KANSL1L: variants seen among roughly 807,000 people sequenced by gnomAD.
The protein encoded by KANSL1L is KAT8 regulatory NSL complex subunit 1-like protein.
Under a neutral mutation model 108.6 loss-of-function variants are expected in KANSL1L, and 25 were observed. That is an observed-to-expected ratio of 0.23 (90% CI 0.17 to 0.32). The LOEUF (loss-of-function observed/expected upper bound fraction) is 0.32, where lower values mean the gene tolerates loss of function less well. Among genes scored for constraint, KANSL1L ranks in the 10% least tolerant of loss-of-function variants. KANSL1L has a pLI of 1.00. For synonymous variants in KANSL1L, 405 were observed against 395.1 expected, an observed-to-expected ratio of 1.03 and a Z score of -0.30; for missense variants, 1,137 against 1,125.7, an observed-to-expected ratio of 1.01 and a Z score of -0.14.
In KANSL1L at chr2:210,153,750, G is replaced by A; in HGVS notation, c.833C>T (p.Pro278Leu). Residue 278 changes from proline (P) to leucine (L), a missense_variant, in exon 2 of 15, where the codon CCT becomes CTT. Physicochemically the swap from Pro to Leu is moderately conservative, Grantham distance 98. This residue lies in a region of KANSL1L where 556 missense variants were observed against 537.7 expected (regional missense o/e 1.03). Transcript: ENST00000281772. ...TAAACTATTACCCAAAATTGTGGTAGGTTCATGAAATGTCTTCATTTTGGG... is the reference window on the plus strand; with the variant it reads ...TAAACTATTACCCAAAATTGTGGTAAGTTCATGAAATGTCTTCATTTTGGG... ...QLPKMKTFHEPTTILGNSLPK... is the reference protein window; with the variant it reads ...QLPKMKTFHELTTILGNSLPK... The A allele has an allele frequency of 6.2e-7, 1 of 1,609,644 alleles. No homozygotes were observed. Among genetic ancestry groups the A allele is most frequent in the Non-Finnish European group, 8.5e-7 (1 of 1,178,450 alleles).
chr2:210,099,673 T>C (rs1283352913), intron 4 of KANSL1L, among the ~76,000 whole-genome samples: 2 of 152,148 alleles, frequency 1.3e-5, no homozygotes, highest in African/African-American at 4.8e-5. Context: ...TTCCTGTCAT[T>C]GTTCCACCTC....
chr2:210,160,707 T>C (rs956815955), intron 1 of KANSL1L, among the ~76,000 whole-genome samples: 3 of 152,194 alleles, frequency 2.0e-5, no homozygotes, highest in Non-Finnish European at 2.9e-5. Context: ...GATAAAACTA[T>C]TCAATATTGT....
At chr2:210,170,622 A>C (rs935224719) in intron 1 of KANSL1L, 1 of 152,328 alleles carries the variant, frequency 6.6e-6, no homozygotes, top group Non-Finnish European at 1.5e-5. Flanking sequence ...ATCTAACTCT[A>C]AAGCCCAAAT....
In KANSL1L at chr2:210,097,985, A is replaced by C. The variant is rs749095789; in HGVS notation, c.1550+101T>G. 3.2e-4 allele frequency: 310 copies of C among 963,968 alleles called. 1 individual carries two copies. The highest frequency in any genetic ancestry group is 1.0e-3 in the Middle Eastern group (3 of 2,948). The allele number at this position is 963,968 out of a possible 1,614,324, so 59.7% of individuals were successfully genotyped here. ...TGTACTCTAGTAGCCCCTAATGTAC[A>C]AAAAAAGTAGCTATAATACTTAAAA... is the stretch of plus-strand genomic sequence containing the variant. On this transcript the variant is annotated intron_variant, in intron 5 of 14. Transcript: ENST00000281772.
intron 8 of KANSL1L, chr2:210,033,005 G>T (rs963825964): frequency 5.9e-5 from 9 of 152,118 alleles, no homozygotes; most frequent in African/African-American, 2.2e-4. Context: ...CTAAGAAACA[G>T]AATGGACACA....
At chr2:210,110,196 T>C (rs2094890627) in intron 3 of KANSL1L, among the ~76,000 whole-genome samples, 1 of 152,236 alleles carries the variant, frequency 6.6e-6, no homozygotes, top group Non-Finnish European at 1.5e-5. Context: ...CTTGTGGGGA[T>C]TCTCATAAGC....
At chr2:210,121,686 G>T (rs1031878080) in intron 3 of KANSL1L, among the ~76,000 whole-genome samples, 1 of 151,892 alleles carries the variant, frequency 6.6e-6, no homozygotes, top group African/African-American at 2.4e-5. Context: ...ACTTTTTGGG[G>T]GGCAAATTTT....
At chr2:210,119,258 T>A (rs1414253344) in intron 3 of KANSL1L, among the ~76,000 whole-genome samples, 1 of 151,900 alleles carries the variant, frequency 6.6e-6, no homozygotes, top group Non-Finnish European at 1.5e-5. Flanking sequence ...TACCAAACAC[T>A]TAAAGAAGAA....
rs1292551616 is a variant in KANSL1L, at chr2:210,054,902, GAACA to G, written c.1756-10802_1756-10799del. On this transcript the variant is annotated intron_variant, in intron 6 of 14. Coordinates refer to ENST00000281772, the MANE Select transcript of KANSL1L (RefSeq NM_152519.4). ...GTTCCTAGATACAGAAAACCCCAAA[GAACA>G]AACAAAGTTACTACAGCTATTAAAT... Among the ~76,000 whole-genome samples, 17 of 152,218 alleles carry G rather than the reference GAACA, an allele frequency of 1.1e-4. 1 individual carries two copies. Among genetic ancestry groups the G allele is most frequent in the Middle Eastern group, 3.4e-3 (1 of 294 alleles).
chr2:210,139,024 G>C (rs897276014), intron 2 of KANSL1L, among the ~76,000 whole-genome samples: 1 of 152,034 alleles, frequency 6.6e-6, no homozygotes, highest in Non-Finnish European at 1.5e-5. Context: ...GCTCGAACCT[G>C]GGAGGTAGAG....
At chr2:210,158,365 G>T (rs2095344748) in intron 1 of KANSL1L, among the ~76,000 whole-genome samples, 1 of 152,156 alleles carries the variant, frequency 6.6e-6, no homozygotes, top group African/African-American at 2.4e-5. Flanking sequence ...TAACAGCCAT[G>T]TGAGTGATCT....
rs1378147127 is a variant in KANSL1L, at chr2:210,167,085, GA to G, written c.-30+4063del. 3.9e-5 allele frequency among the ~76,000 whole-genome samples: 6 copies of G among 151,922 alleles called. No individual in the cohort carries two copies. In the East Asian group the frequency reaches 1.2e-3, roughly 29 times the overall value. Reference sequence around the variant, plus strand: ...TTCAAAGTTACTGAATTGTAGCAGGGAAAAGTCCAATTAAACAAACAAAAAA... The same window carrying G: ...TTCAAAGTTACTGAATTGTAGCAGGGAAAGTCCAATTAAACAAACAAAAAA... On this transcript the variant is annotated intron_variant, in intron 1 of 14. Coordinates refer to ENST00000281772, the MANE Select transcript of KANSL1L (RefSeq NM_152519.4).
chr2:210,030,136 C>T (rs532930533), intron 9 of KANSL1L, among the ~76,000 whole-genome samples: 2 of 152,034 alleles, frequency 1.3e-5, no homozygotes, highest in South Asian at 2.1e-4. Flanking sequence ...CAGTTTTTAT[C>T]GAATATATTT....
At chr2:210,143,048 C>T (rs954173179) in intron 2 of KANSL1L, among the ~76,000 whole-genome samples, 4 of 151,860 alleles carry the variant, frequency 2.6e-5, no homozygotes, top group African/African-American at 4.8e-5. Flanking sequence ...TATTAAAGTC[C>T]CCTACTATTA....
chr2:210,170,594 T>C (rs947399414), intron 1 of KANSL1L: 4 of 152,758 alleles, frequency 2.6e-5, no homozygotes, highest in Admixed American at 2.0e-4. Context: ...AAAAATCCCC[T>C]AGATTCTGCT....
At chr2:210,136,555 T>C (rs1320102657) in intron 2 of KANSL1L, among the ~76,000 whole-genome samples, 1 of 152,216 alleles carries the variant, frequency 6.6e-6, no homozygotes, top group Non-Finnish European at 1.5e-5. Flanking sequence ...ATTGTGTGTA[T>C]GTGTGTGCAT....
At chr2:210,068,282 G>A (rs962063064) in intron 6 of KANSL1L, among the ~76,000 whole-genome samples, 1 of 151,842 alleles carries the variant, frequency 6.6e-6, no homozygotes, top group Non-Finnish European at 1.5e-5. Context: ...TTTTAATTAA[G>A]TTATCTCTTT....
intron 6 of KANSL1L, among the ~76,000 whole-genome samples, chr2:210,051,814 C>G (rs1316610512): frequency 6.6e-6 from 1 of 151,998 alleles, no homozygotes; most frequent in Middle Eastern, 3.2e-3. Context: ...TTATTTAATT[C>G]ACAATGCTCA....
At chr2:210,093,260 C>T (rs1430247331) in intron 5 of KANSL1L, among the ~76,000 whole-genome samples, 1 of 152,186 alleles carries the variant, frequency 6.6e-6, no homozygotes, top group African/African-American at 2.4e-5. Flanking sequence ...ATTCTCGTGC[C>T]TCAGCCTCCC....
Sources: gnomAD v4.1 joint callset for allele counts (sites outside exome capture counted in the v4.1 genomes callset) on GRCh38, gnomAD v4.1.1 for gene constraint, gnomAD v4.1.1 regional missense constraint, MANE v1.5 for transcripts, NCBI Gene and HGNC (gene_info 2026-07-23, HGNC 2026-07-21) for gene names.